Variants in MYO10 observed in about 807,000 individuals in gnomAD.
MYO10 encodes the protein unconventional myosin-X.
Under a neutral mutation model 257.3 loss-of-function variants are expected in MYO10, and 133 were observed. That is an observed-to-expected ratio of 0.52 (90% CI 0.45 to 0.60). MYO10 has a LOEUF of 0.60. MYO10 is among the 20% of genes least tolerant of loss of function. The pLI is 0.00. For missense variants in MYO10, 2,399 were observed against 2,635.7 expected (o/e 0.91, Z 1.97); for synonymous variants, 1,104 against 1,028.6 (o/e 1.07, Z -1.40).
At chr5:16,888,544 G>A (rs1034300271) in intron 1 of MYO10, among the ~76,000 whole-genome samples, 4 of 151,698 alleles carry the variant, frequency 2.6e-5, no homozygotes, top group South Asian at 2.1e-4. Flanking sequence ...GTGGTGAGCC[G>A]AAATTGCGCC....
chr5:16,822,470 T>C (rs919737439), intron 2 of MYO10, among the ~76,000 whole-genome samples: 4 of 152,090 alleles, frequency 2.6e-5, no homozygotes, highest in Admixed American at 1.3e-4. Flanking sequence ...TGATGGAGTC[T>C]ATGAAACGTA....
intron 2 of MYO10, among the ~76,000 whole-genome samples, chr5:16,856,866 T>C (rs988604516): frequency 5.3e-5 from 8 of 152,198 alleles, no homozygotes; most frequent in African/African-American, 1.4e-4. Flanking sequence ...GGTTCCTTCA[T>C]GCCAGGTGGC....
rs746062095 is a variant in MYO10, at chr5:16,781,849, A to G, written c.603-20T>C. The G allele has an allele frequency of 1.2e-6, 2 of 1,613,368 alleles. No individual in the cohort carries two copies. The highest frequency in any genetic ancestry group is 1.7e-6 in the Non-Finnish European group (2 of 1,179,684). On this transcript the variant is annotated intron_variant, in intron 5 of 40. Transcript: ENST00000513610. The stretch of plus-strand genomic sequence containing the variant: ...ATGGGGCTGTGAAGACAGTGAGGGC[A>G]GCAGACAGCATTAATAAGGGTGGGT...
At chr5:16,918,399 C>T (rs900072621) in intron 1 of MYO10, among the ~76,000 whole-genome samples, 2 of 151,574 alleles carry the variant, frequency 1.3e-5, no homozygotes, top group African/African-American at 2.4e-5. Context: ...CAGAAATAGA[C>T]GAAACTCCAA....
intron 3 of MYO10, among the ~76,000 whole-genome samples, chr5:16,813,903 G>T (rs1302791355): frequency 6.6e-6 from 1 of 152,198 alleles, no homozygotes; most frequent in Admixed American, 6.5e-5. Context: ...GGGAGCCACA[G>T]ATCAGGAGAC....
At chr5:16,890,817 G>T (rs1745027621) in intron 1 of MYO10, among the ~76,000 whole-genome samples, 2 of 151,622 alleles carry the variant, frequency 1.3e-5, no homozygotes, top group Admixed American at 1.3e-4. Flanking sequence ...TCCAGCCTGG[G>T]CGGCAGAGCA....
chr5:16,772,470 T>A (rs1208826349), intron 9 of MYO10, among the ~76,000 whole-genome samples: 2 of 152,218 alleles, frequency 1.3e-5, no homozygotes, highest in African/African-American at 4.8e-5. Context: ...GCACATGATA[T>A]AGAGGCACAG....
rs1296964790 is a variant in MYO10 at position 16,704,691 on chromosome 5, C to G, written c.2170-6G>C. ...AAGGATTCTCGAAGAAAGACCTGCT[C>G]AGGACGGAGTCACATGTCAGAAGCA... On this transcript the variant is annotated splice_polypyrimidine_tract_variant and splice_region_variant and intron_variant, in intron 21 of 40. Transcript: ENST00000513610. The G allele has an allele frequency of 6.2e-7, 1 of 1,611,804 alleles. No homozygotes were observed.
chr5:16,904,326 G>A (rs1017266230), intron 1 of MYO10, among the ~76,000 whole-genome samples: 2 of 152,126 alleles, frequency 1.3e-5, no homozygotes, highest in Non-Finnish European at 2.9e-5. Flanking sequence ...GCCAGTAAAC[G>A]TAAGCCAGTG....
chr5:16,912,988 C>CAAAA, intron 1 of MYO10, among the ~76,000 whole-genome samples: 1 of 138,622 alleles, frequency 7.2e-6, no homozygotes, highest in Admixed American at 7.2e-5. Context: ...TGTTTATTCC[C>CAAAA]AAAAAAAAAA....
intron 16 of MYO10, 57 bp downstream of exon 16, chr5:16,761,988 T>C: frequency 6.8e-7 from 1 of 1,463,000 alleles, no homozygotes; most frequent in Non-Finnish European, 9.1e-7. Context: ...CTGAAACCAC[T>C]GTTTTCTCTG....
chr5:16,851,735 A>G (rs1310623676), intron 2 of MYO10, among the ~76,000 whole-genome samples: 4 of 151,822 alleles, frequency 2.6e-5, no homozygotes, highest in Non-Finnish European at 5.9e-5. Context: ...ATAAATTAGG[A>G]TATCACTTGT....
At chr5:16,810,023 C>A (rs974037148) in intron 3 of MYO10, among the ~76,000 whole-genome samples, 1 of 152,152 alleles carries the variant, frequency 6.6e-6, no homozygotes. Context: ...GCTTCTCTTC[C>A]ATTCAGCAGG....
intron 37 of MYO10, among the ~76,000 whole-genome samples, 187 bp downstream of exon 37, chr5:16,672,502 C>G (rs1348854363): frequency 6.6e-6 from 1 of 152,030 alleles, no homozygotes; most frequent in Admixed American, 6.6e-5. Flanking sequence ...CACGTAAGAC[C>G]GTAGCTTTAT....
At chr5:16,859,326 C>T (rs1580082921) in intron 2 of MYO10, among the ~76,000 whole-genome samples, 1 of 152,138 alleles carries the variant, frequency 6.6e-6, no homozygotes, top group African/African-American at 2.4e-5. Flanking sequence ...GTGGAAGGGA[C>T]AAACAAGCTC....
At chr5:16,752,565 C>T (rs1201393739) in intron 19 of MYO10, among the ~76,000 whole-genome samples, 1 of 152,190 alleles carries the variant, frequency 6.6e-6, no homozygotes, top group Non-Finnish European at 1.5e-5. Flanking sequence ...GGATTACAGG[C>T]GTGAGCCACC....
intron 21 of MYO10, among the ~76,000 whole-genome samples, chr5:16,710,043 G>A (rs571047824): frequency 3.9e-5 from 6 of 152,164 alleles, no homozygotes; most frequent in Non-Finnish European, 7.3e-5. Context: ...TTTTTATAAA[G>A]CAAGAAACTT....
intron 28 of MYO10, among the ~76,000 whole-genome samples, chr5:16,689,121 C>G (rs761384756): frequency 3.3e-5 from 5 of 152,222 alleles, no homozygotes; most frequent in Non-Finnish European, 5.9e-5. Flanking sequence ...ACAAATGATA[C>G]TAACCGTTCT....
chr5:16,781,676 T>C (rs1741429269), intron 6 of MYO10, 29 bp downstream of exon 6: 1 of 1,598,156 alleles, frequency 6.3e-7, no homozygotes. Flanking sequence ...AATCAATTAC[T>C]ATAGATAAAA....
Sources: allele counts gnomAD v4.1 joint callset (sites outside exome capture counted in the v4.1 genomes callset), GRCh38; gene constraint gnomAD v4.1.1; transcripts MANE v1.5; gene names NCBI Gene and HGNC (gene_info 2026-07-23, HGNC 2026-07-21).